Variants in RNF157 observed in about 807,000 individuals in gnomAD.
The protein encoded by RNF157 is E3 ubiquitin ligase RNF157.
Under a neutral mutation model 88.3 loss-of-function variants are expected in RNF157, and 55 were observed. The observed-to-expected ratio is 0.62, with a 90% CI of 0.50 to 0.78. The LOEUF (loss-of-function observed/expected upper bound fraction) is 0.78. Among genes scored for constraint, RNF157 ranks in the 30% least tolerant of loss-of-function variants. The probability of loss-of-function intolerance (pLI) is 0.00; values close to 1 mark genes in which losing one functional copy is unlikely to be tolerated. For missense variants in RNF157, 788 were observed against 860.8 expected, an observed-to-expected ratio of 0.92 and a Z score of 1.06; for synonymous variants, 334 against 341.2, an observed-to-expected ratio of 0.98 and a Z score of 0.23.
At chr17:76,210,814 C>CT (rs931772878) in intron 2 of RNF157, among the ~76,000 whole-genome samples, 10 of 151,416 alleles carry the variant, frequency 6.6e-5, no homozygotes, top group Admixed American at 4.6e-4. Context: ...CTACCTTTCT[C>CT]TTTTTTTTGA....
rs2070362199 is a variant in RNF157 at position 76,240,466 on chromosome 17, G to C, written c.-226C>G. On this transcript the variant is annotated 5_prime_UTR_variant, in exon 1 of 19. Transcript: ENST00000269391. The surrounding 1 kb of genome is among the most constrained non-coding windows in gnomAD (Gnocchi z 4.4). Reference sequence around the variant, plus strand: ...CCAAGGGGGCTGCGGGTCTGGGCCGGGGGCGCCGCCGCCGCCTCAGGCCGC... The same window carrying C: ...CCAAGGGGGCTGCGGGTCTGGGCCGCGGGCGCCGCCGCCGCCTCAGGCCGC... 6.8e-6 allele frequency: 1 copy of C among 146,640 alleles called. No homozygotes were observed. Among genetic ancestry groups the C allele is most frequent in the Non-Finnish European group, 1.5e-5 (1 of 66,098 alleles). 9.1% of individuals were successfully genotyped at this position (146,640 alleles called of 1,614,324 possible).
At chr17:76,177,433 G>C (rs1369594330) in intron 2 of RNF157, among the ~76,000 whole-genome samples, 5 of 151,928 alleles carry the variant, frequency 3.3e-5, no homozygotes, top group African/African-American at 1.2e-4. Flanking sequence ...GCCAGGCTAG[G>C]AGTGCACATG....
chr17:76,182,286 C>T (rs995486552), intron 2 of RNF157, among the ~76,000 whole-genome samples: 1 of 152,180 alleles, frequency 6.6e-6, no homozygotes, highest in African/African-American at 2.4e-5. Context: ...GTGAGCAACT[C>T]CTCTTTGGCT....
intron 2 of RNF157, among the ~76,000 whole-genome samples, chr17:76,199,705 C>G (rs1233053097): frequency 6.6e-6 from 1 of 152,018 alleles, no homozygotes. Flanking sequence ...TGTGACTGCA[C>G]TTGGTGACGC....
chr17:76,234,142 T>C (rs1337494587), intron 1 of RNF157, among the ~76,000 whole-genome samples: 1 of 152,228 alleles, frequency 6.6e-6, no homozygotes. Context: ...AGATGGCCTT[T>C]TGCACCTGGC....
At chr17:76,226,539 C>T in intron 1 of RNF157, 1 of 1,613,684 alleles carries the variant, frequency 6.2e-7, no homozygotes. Flanking sequence ...TCCTTCAAAT[C>T]CATTTTCTCC....
At chr17:76,187,770 T>C (rs1568049016) in intron 2 of RNF157, among the ~76,000 whole-genome samples, 2 of 152,132 alleles carry the variant, frequency 1.3e-5, no homozygotes, top group East Asian at 3.9e-4. Context: ...ATTTGTTTTG[T>C]AATTTTTAGT....
chr17:76,236,929 C>G (rs2070292637), intron 1 of RNF157, among the ~76,000 whole-genome samples: 1 of 152,100 alleles, frequency 6.6e-6, no homozygotes. Context: ...TAAAAGAATT[C>G]CAAAGAAACC....
chr17:76,156,828 C>T (rs1212244745), intron 13 of RNF157, among the ~76,000 whole-genome samples: 1 of 152,234 alleles, frequency 6.6e-6, no homozygotes, highest in Non-Finnish European at 1.5e-5. Context: ...CCAGCCCCGA[C>T]CTGTCAGGCA....
At chr17:76,221,892 A>G (rs1383640608) in intron 1 of RNF157, among the ~76,000 whole-genome samples, 4 of 152,346 alleles carry the variant, frequency 2.6e-5, no homozygotes, top group Middle Eastern at 3.4e-3. Context: ...CCAAAACAGT[A>G]TGCTGAGACA....
chr17:76,158,232 T>G (rs1312868315), intron 13 of RNF157, among the ~76,000 whole-genome samples, 161 bp downstream of exon 13: 1 of 152,168 alleles, frequency 6.6e-6, no homozygotes, highest in Non-Finnish European at 1.5e-5. Context: ...CTGCATACAC[T>G]GTTGAATGCA....
chr17:76,178,958 G>C (rs1054386068), intron 2 of RNF157, among the ~76,000 whole-genome samples: 1 of 152,126 alleles, frequency 6.6e-6, no homozygotes, highest in Non-Finnish European at 1.5e-5. Context: ...AAGGATTAAA[G>C]TGCTGGTTAT....
rs79666138 is a variant in RNF157 at position 76,153,866 on chromosome 17, G to A, written c.1810+417C>T. 1,335 of 174,390 alleles carry A rather than the reference G, an allele frequency of 7.7e-3. 16 individuals carry two copies. The highest frequency in any genetic ancestry group is 0.03 in the African/African-American group (1,256 of 41,796). The allele number at this position is 174,390 out of a possible 1,614,324, so 10.8% of individuals were successfully genotyped here. ...TAACTAAAGCAAGACCTGACCAGCT[G>A]CCAAATAGTCCTCCCCCTCCCCCCA... On this transcript the variant is annotated intron_variant, in intron 17 of 18. Coordinates refer to ENST00000269391, the MANE Select transcript of RNF157 (RefSeq NM_052916.3).
chr17:76,168,563 G>A (rs2068964556), intron 3 of RNF157, among the ~76,000 whole-genome samples: 1 of 151,922 alleles, frequency 6.6e-6, no homozygotes, highest in African/African-American at 2.4e-5. Flanking sequence ...TCTTATTGAG[G>A]AGGTCCCTTG....
intron 2 of RNF157, among the ~76,000 whole-genome samples, chr17:76,178,943 T>C (rs999420956): frequency 5.3e-5 from 8 of 152,140 alleles, no homozygotes; most frequent in Non-Finnish European, 1.5e-5. Context: ...AGAGATGAGA[T>C]TTCCAAGGAT....
chr17:76,199,570 TAAAA>T (rs34151599), intron 2 of RNF157, among the ~76,000 whole-genome samples: 2 of 110,980 alleles, frequency 1.8e-5, no homozygotes, highest in African/African-American at 3.3e-5. Context: ...AGCTGAAAGT[TAAAA>T]AAAAAAAAAA....
intron 1 of RNF157, among the ~76,000 whole-genome samples, chr17:76,222,529 A>AT (rs2070003610): frequency 2.0e-5 from 3 of 152,142 alleles, no homozygotes; most frequent in African/African-American, 7.2e-5. Context: ...TGTCATTTGA[A>AT]TTTTTATTTT....
intron 2 of RNF157, among the ~76,000 whole-genome samples, chr17:76,193,537 C>T (rs535283435): frequency 6.6e-6 from 1 of 151,888 alleles, no homozygotes; most frequent in East Asian, 1.9e-4. Flanking sequence ...AACAGCTACC[C>T]CCACCACCCC....
intron 8 of RNF157, 136 bp downstream of exon 8, chr17:76,164,612 A>G (rs746041855): frequency 7.5e-4 from 116 of 153,994 alleles, no homozygotes; most frequent in Non-Finnish European, 1.4e-3. Flanking sequence ...TTCTTTGATT[A>G]AAAAAAAAAA....
Sources: allele counts gnomAD v4.1 joint callset (sites outside exome capture counted in the v4.1 genomes callset), GRCh38; gene constraint gnomAD v4.1.1; non-coding constraint Gnocchi (gnomAD v3.1); transcripts MANE v1.5; gene names NCBI Gene and HGNC (gene_info 2026-07-23, HGNC 2026-07-21).